The following PCDHGB3 variants were observed in gnomAD, a reference collection of about 807,000 sequenced individuals.
PCDHGB3 encodes protocadherin gamma-B3.
In PCDHGB3, 40 loss-of-function variants were observed where a neutral mutation model predicts 59.2. That is an observed-to-expected ratio of 0.68 (90% CI 0.52 to 0.88). The LOEUF (loss-of-function observed/expected upper bound fraction) is 0.88. PCDHGB3 is among the 40% of genes least tolerant of loss of function. The probability of loss-of-function intolerance (pLI) is 0.00; values close to 1 mark genes in which losing one functional copy is unlikely to be tolerated. For missense variants in PCDHGB3, 1,309 were observed against 1,187.9 expected (o/e 1.10, Z -1.50); for synonymous variants, 581 against 503.6 (o/e 1.15, Z -2.06).
At chr5:141,437,761 C>G (rs1200327020) in intron 1 of PCDHGB3, among the ~76,000 whole-genome samples, 3 of 144,682 alleles carry the variant, frequency 2.1e-5, no homozygotes, top group Admixed American at 7.0e-5. Flanking sequence ...TTTTTTGAGA[C>G]AGAGTCTCAA....
intron 1 of PCDHGB3, chr5:141,383,793 A>C (rs1348224147): frequency 5.6e-6 from 9 of 1,613,998 alleles, no homozygotes; most frequent in Admixed American, 1.7e-5. Flanking sequence ...ACTCGCTTAC[A>C]GGAGAAATAT....
chr5:141,393,016 C>G, intron 1 of PCDHGB3: 1 of 1,613,872 alleles, frequency 6.2e-7, no homozygotes, highest in East Asian at 2.2e-5. Flanking sequence ...CGTATCGTCT[C>G]CAGAGGTAGG....
chr5:141,371,427 C>T lies in PCDHGB3; in HGVS notation c.1033C>T (p.Pro345Ser), dbSNP rs773502490. 17 of 1,613,780 alleles carry T rather than the reference C, an allele frequency of 1.1e-5. No homozygotes were observed. The highest frequency in any genetic ancestry group is 1.3e-5 in the African/African-American group (1 of 74,902). The part of the protein sequence containing the change: ...IDISDENDNA[P>S]EITLASESQH... ...TATTTCAGATGAAAATGACAATGCCCCGGAGATAACCCTGGCTTCTGAATC... is the reference window on the plus strand; with the variant it reads ...TATTTCAGATGAAAATGACAATGCCTCGGAGATAACCCTGGCTTCTGAATC... The change falls in exon 1 of 4, where the codon CCG (proline) becomes TCG (serine). Residue 345 changes from proline to serine, a missense_variant. By Grantham distance (74) the Pro-to-Ser change is moderately conservative. Coordinates refer to ENST00000576222, the MANE Select transcript of PCDHGB3 (RefSeq NM_018924.5).
At chr5:141,417,913 T>C in intron 1 of PCDHGB3, 1 of 1,601,944 alleles carries the variant, frequency 6.2e-7, no homozygotes, top group Admixed American at 1.8e-5. Context: ...AGGTACTATT[T>C]CCTTTGCTGC....
At chr5:141,390,377 T>G in intron 1 of PCDHGB3, 9 of 1,463,992 alleles carry the variant, frequency 6.1e-6, no homozygotes, top group Non-Finnish European at 8.4e-6. Flanking sequence ...TATATAATTT[T>G]TAGATGTCAT....
At chr5:141,453,969 A>T (rs543979166) in intron 1 of PCDHGB3, among the ~76,000 whole-genome samples, 13 of 152,356 alleles carry the variant, frequency 8.5e-5, no homozygotes, top group South Asian at 2.1e-4. Flanking sequence ...CAAAGCATGT[A>T]GTTGTGTTGC....
intron 1 of PCDHGB3, chr5:141,400,037 G>T (rs778871485): frequency 3.1e-6 from 5 of 1,613,132 alleles, no homozygotes; most frequent in Admixed American, 1.7e-5. Flanking sequence ...GCCCGCCAGC[G>T]CCTGCTGGTT....
chr5:141,409,195 T>G lies in PCDHGB3; in HGVS notation c.2415+36386T>G, dbSNP rs750681435. 3.7e-6 allele frequency: 6 copies of G among 1,613,890 alleles called. No homozygotes were observed. The African/African-American group carries it at 8.0e-5, about 22-fold the overall frequency. On this transcript the variant is annotated intron_variant, in intron 1 of 3. Transcript: ENST00000576222. Reference sequence around the variant, plus strand: ...ACGGAGGTGGTCTCTCTACCCAGTGTAAAGTAATCATAGAAATCCTTGATG... The same window carrying G: ...ACGGAGGTGGTCTCTCTACCCAGTGGAAAGTAATCATAGAAATCCTTGATG...
In PCDHGB3 at chr5:141,370,754, T is replaced by A; in HGVS notation, c.360T>A (p.Thr120=). Residue 120 remains threonine (T), a synonymous_variant, in exon 1 of 4, where the codon ACT becomes ACA. Transcript: ENST00000576222. ...AEKPLNFFHV[T]VLIQDINDNP... is the part of the protein sequence containing the mutation. ...AGCCTTTAAACTTTTTTCATGTAAC[T>A]GTGCTGATCCAGGATATTAACGACA... 6.2e-7 allele frequency: 1 copy of A among 1,613,980 alleles called. No individual in the cohort carries two copies. Among genetic ancestry groups the A allele is most frequent in the Non-Finnish European group, 8.5e-7 (1 of 1,179,906 alleles).
chr5:141,389,118 C>A (rs2091610213), intron 1 of PCDHGB3: 1 of 1,613,888 alleles, frequency 6.2e-7, no homozygotes, highest in Admixed American at 1.7e-5. Context: ...AGACCGCGAG[C>A]AGAATCCAGA....
In PCDHGB3 at chr5:141,371,254, A is replaced by T; in HGVS notation, c.860A>T (p.Glu287Val). The stretch of plus-strand genomic sequence containing the variant: ...TATGCCTTCATCAATATTGGCAAGG[A>T]AGTGAGACAACTGTTCAAGCTGGAC... Reference protein sequence around the residue: ...IIYAFINIGKEVRQLFKLDSK... With the variant: ...IIYAFINIGKVVRQLFKLDSK... The change falls in exon 1 of 4, where the codon GAA becomes GTA. Residue 287 changes from glutamate (E) to valine (V), a missense_variant. Glu to Val is a moderately radical substitution (Grantham distance 121, BLOSUM62 -2). Transcript: ENST00000576222. 6.2e-7 allele frequency: 1 copy of T among 1,614,046 alleles called. No homozygotes were observed. Among genetic ancestry groups the T allele is most frequent in the Admixed American group, 1.7e-5 (1 of 60,034 alleles).
intron 1 of PCDHGB3, chr5:141,394,111 C>T: frequency 1.9e-6 from 3 of 1,613,936 alleles, no homozygotes; most frequent in African/African-American, 2.7e-5. Flanking sequence ...CCACCTCTGT[C>T]CACTGAAACT....
At chr5:141,501,470 TG>T (rs1206698871) in intron 2 of PCDHGB3, among the ~76,000 whole-genome samples, 1 of 152,068 alleles carries the variant, frequency 6.6e-6, no homozygotes, top group African/African-American at 2.4e-5. Flanking sequence ...CCCCAAATCC[TG>T]GAAGAGTCCC....
intron 1 of PCDHGB3, chr5:141,399,529 G>A (rs946281582): frequency 3.1e-6 from 5 of 1,613,892 alleles, no homozygotes; most frequent in Non-Finnish European, 4.2e-6. Flanking sequence ...GGCCTCCATC[G>A]CGCAAGTCTG....
intron 1 of PCDHGB3, chr5:141,391,737 T>C (rs1050956818): frequency 6.6e-6 from 1 of 152,224 alleles, no homozygotes; most frequent in Non-Finnish European, 1.5e-5. Context: ...TTTGTAGTCA[T>C]ACTTATCCTT....
chr5:141,414,040 C>T, intron 1 of PCDHGB3: 2 of 1,611,438 alleles, frequency 1.2e-6, no homozygotes, highest in Non-Finnish European at 1.7e-6. Context: ...CCGAAAATTA[C>T]CTGACACGCA....
chr5:141,490,196 A>G lies in PCDHGB3; in HGVS notation c.2416-4611A>G, dbSNP rs748858034. On this transcript the variant is annotated intron_variant, in intron 1 of 3. Coordinates refer to ENST00000576222, the MANE Select transcript of PCDHGB3 (RefSeq NM_018924.5). The surrounding 1 kb of genome is among the most constrained non-coding windows in gnomAD (Gnocchi z 5.4). ...GAGGAGTCACGTTTCTATGAAATTCATGCAAGAGCCCGTGACCAGGGACAG... is the reference window on the plus strand; with the variant it reads ...GAGGAGTCACGTTTCTATGAAATTCGTGCAAGAGCCCGTGACCAGGGACAG... The G allele has an allele frequency of 3.7e-6, 6 of 1,614,196 alleles. No individual in the cohort carries two copies. The highest frequency in any genetic ancestry group is 4.2e-6 in the Non-Finnish European group (5 of 1,180,020).
chr5:141,482,859 G>A (rs1371172226), intron 1 of PCDHGB3, among the ~76,000 whole-genome samples: 3 of 148,230 alleles, frequency 2.0e-5, no homozygotes, highest in Admixed American at 6.7e-5. Flanking sequence ...ATCACTTGAG[G>A]TCAGGAGTTT....
intron 1 of PCDHGB3, chr5:141,374,366 C>T: frequency 6.2e-7 from 1 of 1,614,052 alleles, no homozygotes; most frequent in Non-Finnish European, 8.5e-7. Flanking sequence ...CCGCGAGGAG[C>T]TCTGTGCTCA....
Sources: gnomAD v4.1 joint callset for allele counts (sites outside exome capture counted in the v4.1 genomes callset) on GRCh38, gnomAD v4.1.1 for gene constraint, Gnocchi (gnomAD v3.1) non-coding constraint, MANE v1.5 for transcripts, NCBI Gene and HGNC (gene_info 2026-07-23, HGNC 2026-07-21) for gene names.